The following SEMA3E variants were observed in gnomAD, a reference collection of about 807,000 sequenced individuals.
SEMA3E encodes semaphorin-3E.
A neutral mutation model predicts 93.6 loss-of-function variants in SEMA3E; 49 were observed. The observed-to-expected ratio is 0.52, with a 90% CI of 0.42 to 0.66. The LOEUF is 0.66. Ranked by LOEUF, SEMA3E falls within the 30% of genes least tolerant of loss-of-function variation. The pLI is 0.00. For missense variants in SEMA3E, 906 were observed against 964.8 expected (o/e 0.94, Z 0.81); for synonymous variants, 363 against 330.7 (o/e 1.10, Z -1.06).
Position 83,367,459 on chromosome 7 carries a change from C to G in SEMA3E, c.*127G>C. On this transcript the variant is annotated 3_prime_UTR_variant, in exon 17 of 17. Coordinates refer to ENST00000643230, the MANE Select transcript of SEMA3E (RefSeq NM_012431.3). ...TATGTAGAATAATTTATTATAACAC[C>G]TTCATAGTCATTCCTGTATTACAGA... 1 of 957,536 alleles carries G rather than the reference C, an allele frequency of 1.0e-6. No homozygotes were observed. Among genetic ancestry groups the G allele is most frequent in the South Asian group, 1.4e-5 (1 of 74,062 alleles). The allele number at this position is 957,536 out of a possible 1,614,324, so 59.3% of individuals were successfully genotyped here. A position where few individuals can be genotyped will look rare whatever the true frequency, so the allele number is the denominator to read the frequency against.
chr7:83,533,859 C>T (rs1351964752), intron 1 of SEMA3E, among the ~76,000 whole-genome samples: 1 of 152,084 alleles, frequency 6.6e-6, no homozygotes, highest in Non-Finnish European at 1.5e-5. Context: ...GAAGGTCCTT[C>T]CCTGCCTGCC....
chr7:83,545,195 G>A (rs3801540), intron 1 of SEMA3E, among the ~76,000 whole-genome samples: 33,632 of 151,826 alleles, frequency 0.22, 3,844 homozygotes, highest in Middle Eastern at 0.28. Context: ...GTTTAGAAAC[G>A]GGAGCCATAA....
intron 4 of SEMA3E, among the ~76,000 whole-genome samples, chr7:83,444,363 A>G (rs1226007468): frequency 6.6e-6 from 1 of 152,206 alleles, no homozygotes; most frequent in East Asian, 1.9e-4. Context: ...CCTCTTGTCA[A>G]GAGGTCCTCC....
At position 83,648,554 on chromosome 7, in the gene SEMA3E, C is replaced by T; in HGVS notation, c.-12G>A. On this transcript the variant is annotated 5_prime_UTR_variant, in exon 1 of 17. Coordinates refer to ENST00000643230, the MANE Select transcript of SEMA3E (RefSeq NM_012431.3). ...CCCGCGGATGCCATGCTGCCGTGTT[C>T]ACCGTCCAAGCCCTCGCTCCTCACT... The T allele has an allele frequency of 6.3e-7, 1 of 1,599,432 alleles. No homozygotes were observed. The highest frequency in any genetic ancestry group is 8.6e-7 in the Non-Finnish European group (1 of 1,167,142).
At chr7:83,600,549 G>A (rs1270598199) in intron 1 of SEMA3E, among the ~76,000 whole-genome samples, 4 of 123,958 alleles carry the variant, frequency 3.2e-5, no homozygotes, top group East Asian at 2.4e-4. Flanking sequence ...GGGTTTCACC[G>A]TGTTAGCCAG....
At chr7:83,597,548 T>A (rs939698503) in intron 1 of SEMA3E, among the ~76,000 whole-genome samples, 4 of 152,164 alleles carry the variant, frequency 2.6e-5, no homozygotes, top group Non-Finnish European at 5.9e-5. Context: ...ATTACCAGCT[T>A]TCACTCATTA....
At chr7:83,527,269 G>T (rs936078003) in intron 1 of SEMA3E, among the ~76,000 whole-genome samples, 12 of 152,098 alleles carry the variant, frequency 7.9e-5, no homozygotes, top group African/African-American at 2.9e-4. Flanking sequence ...CCAGCCTCAA[G>T]GACTGTGAGA....
At chr7:83,384,420 C>A (rs535505934) in intron 16 of SEMA3E, among the ~76,000 whole-genome samples, 69 of 151,998 alleles carry the variant, frequency 4.5e-4, no homozygotes, top group Non-Finnish European at 9.1e-4. Flanking sequence ...AACTTGCAAC[C>A]TTTTCTTTAC....
At chr7:83,404,293 T>A (rs937792535) in intron 9 of SEMA3E, among the ~76,000 whole-genome samples, 3 of 151,922 alleles carry the variant, frequency 2.0e-5, no homozygotes, top group Non-Finnish European at 4.4e-5. Context: ...TCTAAAGAGA[T>A]GTATTATTTT....
At chr7:83,412,937 T>G (rs1162800237) in intron 5 of SEMA3E, among the ~76,000 whole-genome samples, 1 of 152,144 alleles carries the variant, frequency 6.6e-6, no homozygotes, top group African/African-American at 2.4e-5. Flanking sequence ...GGAACTCTAT[T>G]TTTTTCAAAA....
intron 1 of SEMA3E, among the ~76,000 whole-genome samples, chr7:83,498,147 C>T (rs557047161): frequency 1.3e-5 from 2 of 152,048 alleles, no homozygotes; most frequent in South Asian, 2.1e-4. Context: ...GTATATAATA[C>T]ATATAAAAAT....
chr7:83,426,909 CCAATA>C (rs916082028), intron 4 of SEMA3E, among the ~76,000 whole-genome samples: 12 of 151,808 alleles, frequency 7.9e-5, no homozygotes, highest in Middle Eastern at 6.8e-3. Flanking sequence ...CTTCAGACAC[CCAATA>C]AATACATTAT....
chr7:83,394,569 A>T (rs1365642687), intron 12 of SEMA3E, among the ~76,000 whole-genome samples: 2 of 107,684 alleles, frequency 1.9e-5, no homozygotes, highest in Non-Finnish European at 2.3e-5. Flanking sequence ...AGGAAATCTA[A>T]CCAGCTTACT....
At chr7:83,581,818 A>G (rs1792523915) in intron 1 of SEMA3E, among the ~76,000 whole-genome samples, 2 of 152,008 alleles carry the variant, frequency 1.3e-5, no homozygotes, top group African/African-American at 4.8e-5. Context: ...TGTACAGTCA[A>G]TGTTTTCATT....
intron 1 of SEMA3E, among the ~76,000 whole-genome samples, chr7:83,562,612 A>C (rs1323344820): frequency 6.6e-6 from 1 of 152,052 alleles, no homozygotes; most frequent in African/African-American, 2.4e-5. Context: ...CAGTTAAAGC[A>C]GGATATCTTT....
Position 83,406,005 on chromosome 7 carries a change from C to T in SEMA3E, c.868G>A (p.Ala290Thr), listed in dbSNP as rs897188017. The T allele has an allele frequency of 6.2e-7, 1 of 1,613,472 alleles. No individual in the cohort carries two copies. The highest frequency in any genetic ancestry group is 1.3e-5 in the African/African-American group (1 of 75,014). ...CCTGGTACTGAGCAAACGAGTCTCG[C>T]TTTTAGGAAAGTGCTCCACTTATTC... ...LVNKWSTFLKARLVCSVPGMN... is the reference protein window; with the variant it reads ...LVNKWSTFLKTRLVCSVPGMN... The change falls in exon 8 of 17, where the codon GCG becomes ACG. Residue 290 changes from alanine to threonine, a missense_variant. Transcript: ENST00000643230.
At chr7:83,613,338 A>T (rs552809898) in intron 1 of SEMA3E, among the ~76,000 whole-genome samples, 1 of 152,088 alleles carries the variant, frequency 6.6e-6, no homozygotes, top group Non-Finnish European at 1.5e-5. Flanking sequence ...GGAATTATCA[A>T]TTCTTCCCTG....
intron 1 of SEMA3E, among the ~76,000 whole-genome samples, chr7:83,498,521 C>G (rs367798889): frequency 6.6e-6 from 1 of 151,982 alleles, no homozygotes; most frequent in Non-Finnish European, 1.5e-5. Context: ...TCTGTTGCCC[C>G]CGCTGGAGTG....
chr7:83,607,231 A>C (rs1793143169), intron 1 of SEMA3E, among the ~76,000 whole-genome samples: 1 of 152,240 alleles, frequency 6.6e-6, no homozygotes, highest in Non-Finnish European at 1.5e-5. Context: ...TCCACATGAC[A>C]ACAGATAATG....
Sources: allele counts gnomAD v4.1 joint callset (sites outside exome capture counted in the v4.1 genomes callset), GRCh38; gene constraint gnomAD v4.1.1; transcripts MANE v1.5; gene names NCBI Gene and HGNC (gene_info 2026-07-23, HGNC 2026-07-21).